Variants in MNX1 observed in about 807,000 individuals in gnomAD.
MNX1 encodes motor neuron and pancreas homeobox protein 1.
A neutral mutation model predicts 17.3 loss-of-function variants in MNX1; 2 were observed. The ratio of observed to expected loss-of-function variants is 0.12; its 90% CI spans 0.05 to 0.36. The LOEUF (loss-of-function observed/expected upper bound fraction) is 0.36. Ranked by LOEUF, MNX1 falls within the 10% of genes least tolerant of loss-of-function variation. The pLI is 1.00. For missense variants in MNX1, 556 were observed against 564.7 expected (o/e 0.98, Z 0.16); for synonymous variants, 306 against 283.1 (o/e 1.08, Z -0.81).
rs772559723 is a variant in MNX1, at chr7:157,005,709, G to C, written c.1017C>G (p.Pro339=). The change falls in exon 3 of 3, where the codon CCC becomes CCG. Residue 339 remains proline, a synonymous_variant. Coordinates refer to ENST00000252971, the MANE Select transcript of MNX1 (RefSeq NM_005515.4). ...GAEELLGPPA[P]GDKGSGRRLR... is the part of the protein sequence containing the mutation. The stretch of plus-strand genomic sequence containing the variant: ...GGCGGCGTCCGCTGCCCTTGTCTCC[G>C]GGCGCTGGCGGCCCCAGCAGCTCCT... 26 of 1,610,002 alleles carry C rather than the reference G, an allele frequency of 1.6e-5. 1 individual carries two copies. The African/African-American group carries it at 2.5e-4, about 16-fold the overall frequency.
intron 1 of MNX1, chr7:157,007,631 CAT>C (rs1187788978): frequency 6.6e-6 from 1 of 152,212 alleles, no homozygotes; most frequent in Non-Finnish European, 1.5e-5. Context: ...GCTTTATTTA[CAT>C]AATTTCGCAC....
At chr7:157,008,818 G>A in intron 1 of MNX1, 2 of 635,192 alleles carry the variant, frequency 3.1e-6, no homozygotes, top group South Asian at 2.0e-5. Context: ...CAGAGCCCCA[G>A]AGAGCCAGAG....
chr7:157,008,957 C>A (rs1013102648), intron 1 of MNX1: 34 of 1,531,228 alleles, frequency 2.2e-5, no homozygotes, highest in Non-Finnish European at 3.0e-5. Context: ...GTGGGGAGAA[C>A]AGGGGCTCCC....
chr7:157,009,821 C>G lies in MNX1; in HGVS notation c.530G>C (p.Gly177Ala). The change falls in exon 1 of 3, where the codon GGC becomes GCC. Residue 177 changes from glycine to alanine, a missense_variant. This residue lies in a region of MNX1 where 210 missense variants were observed against 211.3 expected (regional missense o/e 0.99). Coordinates refer to ENST00000252971, the MANE Select transcript of MNX1 (RefSeq NM_005515.4). ...SAAAAAAALAGQHPALSYSYP... is the reference protein window; with the variant it reads ...SAAAAAAALAAQHPALSYSYP... Reference sequence around the variant, plus strand: ...CGAGTAGGAGAGCGCCGGGTGCTGGCCCGCCAGCGCAGCCGCCGCCGCCGC... The same window carrying G: ...CGAGTAGGAGAGCGCCGGGTGCTGGGCCGCCAGCGCAGCCGCCGCCGCCGC... 6.6e-7 allele frequency: 1 copy of G among 1,524,614 alleles called. No individual in the cohort carries two copies. The highest frequency in any genetic ancestry group is 8.7e-7 in the Non-Finnish European group (1 of 1,143,774). 94.4% of individuals were successfully genotyped at this position (1,524,614 alleles called of 1,614,324 possible). A position where few individuals can be genotyped will look rare whatever the true frequency, so the allele number is the denominator to read the frequency against.
chr7:157,009,920 C>A lies in MNX1; in HGVS notation c.431G>T (p.Gly144Val). Reference sequence around the variant, plus strand: ...GAGGCCCGCGCCGCCCTGCGCGCCCCCAGGGTGCAGCCCCAGCGCCAGGCC... The same window carrying A: ...GAGGCCCGCGCCGCCCTGCGCGCCCACAGGGTGCAGCCCCAGCGCCAGGCC... ...AGGLALGLHP[G>V]GAQGGAGLPA... Residue 144 changes from glycine (G) to valine (V), a missense_variant, in exon 1 of 3, where the codon GGG becomes GTG. Transcript: ENST00000252971. The A allele has an allele frequency of 7.9e-7, 1 of 1,258,172 alleles. No individual in the cohort carries two copies. Among genetic ancestry groups the A allele is most frequent in the Non-Finnish European group, 1.0e-6 (1 of 1,002,934 alleles). The allele number at this position is 1,258,172 out of a possible 1,614,324, so 77.9% of individuals were successfully genotyped here.
At position 157,006,846 on chromosome 7, in the gene MNX1, G is replaced by T. The variant is rs542781659; in HGVS notation, c.692-207C>A. The T allele has an allele frequency of 1.2e-5, 5 of 403,284 alleles. No individual in the cohort carries two copies. In the African/African-American group the frequency reaches 1.6e-4, roughly 13 times the overall value. The allele number at this position is 403,284 out of a possible 1,614,324, so 25.0% of individuals were successfully genotyped here. ...TGGAAATGGATAGTTTGGAGTTAAT[G>T]AGACCAATTTTTTTTTTTTTTTTTG... On this transcript the variant is annotated intron_variant, in intron 1 of 2. Transcript: ENST00000252971. The surrounding 1 kb of genome is among the most constrained non-coding windows in gnomAD (Gnocchi z 6.3).
chr7:157,009,631 C>T (rs756142171), intron 1 of MNX1, 29 bp downstream of exon 1: 8 of 1,603,488 alleles, frequency 5.0e-6, no homozygotes, highest in Non-Finnish European at 6.8e-6. Flanking sequence ...TCCCGCCACG[C>T]GCATCCACGG....
In MNX1 at chr7:157,009,738, C is replaced by A. The variant is rs771641742; in HGVS notation, c.613G>T (p.Ala205Ser). ...AHPADPIKLG[A>S]GTFQLDQWLR... ...CACTGGTCCAGCTGGAAGGTGCCGG[C>A]GCCCAGCTTGATGGGGTCGGCGGGG... The change falls in exon 1 of 3, where the codon GCC becomes TCC. Residue 205 changes from alanine to serine, a missense_variant. Physicochemically the swap from Ala to Ser is moderately conservative, Grantham distance 99. Coordinates refer to ENST00000252971, the MANE Select transcript of MNX1 (RefSeq NM_005515.4). 4 of 1,607,388 alleles carry A rather than the reference C, an allele frequency of 2.5e-6. No homozygotes were observed. Among genetic ancestry groups the A allele is most frequent in the East Asian group, 4.5e-5 (2 of 44,754 alleles).
Position 157,005,877 on chromosome 7 carries a change from CG to C in MNX1, c.853-5del. 6.2e-7 allele frequency: 1 copy of C among 1,610,760 alleles called. No homozygotes were observed. On this transcript the variant is annotated splice_region_variant and splice_polypyrimidine_tract_variant and intron_variant, in intron 2 of 2. Transcript: ENST00000252971. ...GGTTCTGGAACCAAATCTTCACCTG[CG>C]GGCACAAGCGGGCGTGAGAAACCGG...
chr7:157,009,082 G>C, intron 1 of MNX1: 1 of 1,536,598 alleles, frequency 6.5e-7, no homozygotes, highest in Non-Finnish European at 8.7e-7. Flanking sequence ...ACCTGCCTCG[G>C]CCATCGCACC....
At position 157,006,842 on chromosome 7, in the gene MNX1, T is replaced by G; in HGVS notation, c.692-203A>C. 1 of 500,468 alleles carries G rather than the reference T, an allele frequency of 2.0e-6. No individual in the cohort carries two copies. The highest frequency in any genetic ancestry group is 3.4e-6 in the Non-Finnish European group (1 of 291,200). The allele number at this position is 500,468 out of a possible 1,614,324, so 31.0% of individuals were successfully genotyped here. A position where few individuals can be genotyped will look rare whatever the true frequency, so the allele number is the denominator to read the frequency against. ...CAAGTGGAAATGGATAGTTTGGAGT[T>G]AATGAGACCAATTTTTTTTTTTTTT... On this transcript the variant is annotated intron_variant, in intron 1 of 2. Coordinates refer to ENST00000252971, the MANE Select transcript of MNX1 (RefSeq NM_005515.4). The surrounding 1 kb of genome is among the most constrained non-coding windows in gnomAD (Gnocchi z 6.3).
At position 157,010,429 on chromosome 7, in the gene MNX1, G is replaced by C; in HGVS notation, c.-79C>G. ...GCGGGCTCGCGGAGTCAGTGCGTGC[G>C]GTGCAAGCCCGGGGGCTCGGTATTG... On this transcript the variant is annotated 5_prime_UTR_variant, in exon 1 of 3. Coordinates refer to ENST00000252971, the MANE Select transcript of MNX1 (RefSeq NM_005515.4). 1 of 1,120,918 alleles carries C rather than the reference G, an allele frequency of 8.9e-7. No individual in the cohort carries two copies. The highest frequency in any genetic ancestry group is 2.5e-5 in the Admixed American group (1 of 39,376). 69.4% of individuals were successfully genotyped at this position (1,120,918 alleles called of 1,614,324 possible).
In MNX1 at chr7:157,010,204, CCCG is replaced by C. The variant is rs781217883; in HGVS notation, c.144_146del (p.Gly49del). The C allele has an allele frequency of 7.8e-4, 952 of 1,215,312 alleles. No individual in the cohort carries two copies. The highest frequency in any genetic ancestry group is 2.8e-3 in the South Asian group (75 of 26,930). 75.3% of individuals were successfully genotyped at this position (1,215,312 alleles called of 1,614,324 possible). A position where few individuals can be genotyped will look rare whatever the true frequency, so the allele number is the denominator to read the frequency against. On this transcript the variant is annotated inframe_deletion, in exon 1 of 3. Coordinates refer to ENST00000252971, the MANE Select transcript of MNX1 (RefSeq NM_005515.4). ...AGCTGCCGCTAGTCCCGCCGCTCGC[CCCG>C]CCGCCGCCGCCGCCACCTCCGGTGC... is the stretch of plus-strand genomic sequence containing the variant.
chr7:157,009,213 C>T (rs1259295459), intron 1 of MNX1: 1 of 1,447,050 alleles, frequency 6.9e-7, no homozygotes, highest in African/African-American at 1.4e-5. Flanking sequence ...GCTCCTGAAG[C>T]ACTCCCTCTC....
Position 157,006,638 on chromosome 7 carries a change from G to T in MNX1, c.693C>A (p.Ser231=), listed in dbSNP as rs1476199205. The T allele has an allele frequency of 1.3e-6, 2 of 1,588,816 alleles. No homozygotes were observed. The highest frequency in any genetic ancestry group is 2.7e-5 in the African/African-American group (2 of 74,694). The change falls in exon 2 of 3, where the codon TCC becomes TCA. Residue 231 remains serine (S), a splice_region_variant and synonymous_variant. Coordinates refer to ENST00000252971, the MANE Select transcript of MNX1 (RefSeq NM_005515.4). The surrounding 1 kb of genome is among the most constrained non-coding windows in gnomAD (Gnocchi z 6.3). Reference sequence around the variant, plus strand: ...TCCCCAGGAGGTTCGACTGCGCCTGGGCTGGGGACCAAAGGGCAGTGAGGC... The same window carrying T: ...TCCCCAGGAGGTTCGACTGCGCCTGTGCTGGGGACCAAAGGGCAGTGAGGC... ...MILPKMPDFN[S]QAQSNLLGKC...
At position 157,006,870 on chromosome 7, in the gene MNX1, T is replaced by TTTTTTTTTTTTTTTTGTTG; in HGVS notation, c.692-232_692-231insCAACAAAAAAAAAAAAAAA. 2.4e-6 allele frequency: 1 copy of TTTTTTTTTTTTTTTTGTTG among 419,578 alleles called. No individual in the cohort carries two copies. The highest frequency in any genetic ancestry group is 2.2e-5 in the African/African-American group (1 of 44,772). The allele number at this position is 419,578 out of a possible 1,614,324, so 26.0% of individuals were successfully genotyped here. On this transcript the variant is annotated intron_variant, in intron 1 of 2. Coordinates refer to ENST00000252971, the MANE Select transcript of MNX1 (RefSeq NM_005515.4). The surrounding 1 kb of genome is among the most constrained non-coding windows in gnomAD (Gnocchi z 6.3). ...TGAGACCAATTTTTTTTTTTTTTTT[T>TTTTTTTTTTTTTTTTGTTG]GTCTAGGAGACGTCTGAGTGTCCCT...
Position 157,005,506 on chromosome 7 carries a change from G to A in MNX1, c.*14C>T, listed in dbSNP as rs779003601. The A allele has an allele frequency of 3.9e-5, 56 of 1,426,058 alleles. No individual in the cohort carries two copies. In the African/African-American group the frequency reaches 6.6e-4, roughly 17 times the overall value. 88.3% of individuals were successfully genotyped at this position (1,426,058 alleles called of 1,614,324 possible). ...GCGCTCCGTGCGCGCCGCACCTGCT[G>A]GGCCGCGGGGCTCCTACTGGGGCGC... On this transcript the variant is annotated 3_prime_UTR_variant, in exon 3 of 3. Coordinates refer to ENST00000252971, the MANE Select transcript of MNX1 (RefSeq NM_005515.4).
rs1805674439 is a variant in MNX1 at position 157,009,811 on chromosome 7, C to G, written c.540G>C (p.Pro180=). ...CCTGCGGGTACGAGTAGGAGAGCGC[C>G]GGGTGCTGGCCCGCCAGCGCAGCCG... ...AAAAALAGQH[P]ALSYSYPQVQ... The change falls in exon 1 of 3, where the codon CCG becomes CCC. Residue 180 remains proline (P), a synonymous_variant. Coordinates refer to ENST00000252971, the MANE Select transcript of MNX1 (RefSeq NM_005515.4). The G allele has an allele frequency of 1.3e-6, 2 of 1,538,850 alleles. No homozygotes were observed. The highest frequency in any genetic ancestry group is 1.7e-6 in the Non-Finnish European group (2 of 1,149,472).
rs538138215 is a variant in MNX1 at position 157,006,430 on chromosome 7, A to G, written c.852+49T>C. 1.5e-5 allele frequency: 23 copies of G among 1,585,586 alleles called. No individual in the cohort carries two copies. The East Asian group carries it at 5.0e-4, about 34-fold the overall frequency. Reference sequence around the variant, plus strand: ...CGTGGGTCACAAGTGCAAAGGTAACAGTGTCCCCTGGGAGGCCGGGATGCG... The same window carrying G: ...CGTGGGTCACAAGTGCAAAGGTAACGGTGTCCCCTGGGAGGCCGGGATGCG... On this transcript the variant is annotated intron_variant, in intron 2 of 2. Coordinates refer to ENST00000252971, the MANE Select transcript of MNX1 (RefSeq NM_005515.4). This position sits in a 1 kb window ranked among gnomAD's most constrained non-coding sequence, Gnocchi z 6.3.
Sources: allele counts gnomAD v4.1 joint callset, GRCh38; gene constraint gnomAD v4.1.1; regional missense constraint gnomAD v4.1.1; non-coding constraint Gnocchi (gnomAD v3.1); transcripts MANE v1.5; gene names NCBI Gene and HGNC (gene_info 2026-07-23, HGNC 2026-07-21).